The following PCDHGA8 variants were observed in gnomAD, a reference collection of about 807,000 sequenced individuals.
PCDHGA8 encodes protocadherin gamma subfamily A, 8.
PCDHGA8 carries 45 observed loss-of-function variants against 59.2 expected under a neutral mutation model. That is an observed-to-expected ratio of 0.76 (90% CI 0.60 to 0.98). The LOEUF is 0.98. Among genes scored for constraint, PCDHGA8 ranks in the 50% least tolerant of loss-of-function variants. The pLI, the probability that PCDHGA8 is intolerant of heterozygous loss-of-function variation, is 0.00. For synonymous variants in PCDHGA8, 531 were observed against 519.0 expected (o/e 1.02, Z -0.32); for missense variants, 1,257 against 1,196.2 (o/e 1.05, Z -0.75).
chr5:141,434,509 T>C (rs1480014539), intron 1 of PCDHGA8, among the ~76,000 whole-genome samples: 3 of 152,232 alleles, frequency 2.0e-5, no homozygotes, highest in Non-Finnish European at 4.4e-5. Context: ...AGAAAACTGC[T>C]TAAAGGTGTT....
In PCDHGA8 at chr5:141,461,525, A is replaced by T. The variant is rs966592635; in HGVS notation, c.2425-33282A>T. ...TTGGTGATTTGTTAGTTCCTTGTAGATTCTGGATACTAGTCCTTTGTCAGA... is the reference window on the plus strand; with the variant it reads ...TTGGTGATTTGTTAGTTCCTTGTAGTTTCTGGATACTAGTCCTTTGTCAGA... On this transcript the variant is annotated intron_variant, in intron 1 of 3. Coordinates refer to ENST00000398604, the MANE Select transcript of PCDHGA8 (RefSeq NM_032088.2). 5.3e-5 allele frequency among the ~76,000 whole-genome samples: 8 copies of T among 152,106 alleles called. No individual in the cohort carries two copies. The South Asian group carries it at 1.7e-3, about 31-fold the overall frequency.
intron 1 of PCDHGA8, chr5:141,441,144 T>C (rs141609485): frequency 6.6e-6 from 1 of 152,296 alleles, no homozygotes; most frequent in African/African-American, 2.4e-5. Context: ...TAGAAGATAA[T>C]GACAATATCC....
At chr5:141,505,347 T>C in intron 2 of PCDHGA8, 46 bp from the exon 3 acceptor site, 4 of 1,613,346 alleles carry the variant, frequency 2.5e-6, no homozygotes, top group Non-Finnish European at 2.5e-6. Context: ...GGGCATGAGC[T>C]GTGCCGGCCT....
In PCDHGA8 at chr5:141,487,161, T is replaced by G; in HGVS notation, c.2425-7646T>G. ...CTCTCTACCTCTGTTACTCTCTTAGTGTCCTTAGAGGAAGACACTCATCCA... is the reference window on the plus strand; with the variant it reads ...CTCTCTACCTCTGTTACTCTCTTAGGGTCCTTAGAGGAAGACACTCATCCA... On this transcript the variant is annotated intron_variant, in intron 1 of 3. Transcript: ENST00000398604. The surrounding 1 kb of genome is among the most constrained non-coding windows in gnomAD (Gnocchi z 5.0). The G allele has an allele frequency of 6.2e-7, 1 of 1,613,528 alleles. No individual in the cohort carries two copies. The highest frequency in any genetic ancestry group is 1.1e-5 in the South Asian group (1 of 91,072).
chr5:141,439,186 C>T (rs2098094521), intron 1 of PCDHGA8, among the ~76,000 whole-genome samples: 1 of 141,808 alleles, frequency 7.1e-6, no homozygotes, highest in Admixed American at 7.0e-5. Flanking sequence ...TAGTGAGACT[C>T]TGACAAAAAA....
At chr5:141,404,252 A>G (rs2094504105) in intron 1 of PCDHGA8, 8 of 1,613,986 alleles carry the variant, frequency 5.0e-6, no homozygotes, top group South Asian at 1.1e-5. Context: ...GCCCCTGTCC[A>G]CAGAAATTCA....
chr5:141,403,749 C>T (rs759577178), intron 1 of PCDHGA8: 2 of 1,613,652 alleles, frequency 1.2e-6, no homozygotes, highest in Non-Finnish European at 1.7e-6. Context: ...ACTGCAACAG[C>T]CAGCGACCTG....
chr5:141,500,114 G>A (rs72790070), intron 2 of PCDHGA8, among the ~76,000 whole-genome samples: 10,550 of 151,670 alleles, frequency 0.07, 640 homozygotes, highest in African/African-American at 0.16. Flanking sequence ...TTGAATCCCT[G>A]CCTTTTCATA....
chr5:141,455,856 TTTTATTA>T (rs1315325745), intron 1 of PCDHGA8, among the ~76,000 whole-genome samples: 1 of 146,240 alleles, frequency 6.8e-6, no homozygotes, highest in East Asian at 2.0e-4. Flanking sequence ...AAATAATTTC[TTTTATTA>T]TTTATTTATT....
At chr5:141,459,723 T>G (rs1024452676) in intron 1 of PCDHGA8, among the ~76,000 whole-genome samples, 3 of 152,254 alleles carry the variant, frequency 2.0e-5, no homozygotes, top group African/African-American at 7.2e-5. Context: ...ATGCTTCCTA[T>G]TGTCAATTTT....
chr5:141,405,345 A>C (rs758657243), intron 1 of PCDHGA8: 2 of 1,613,944 alleles, frequency 1.2e-6, no homozygotes, highest in Middle Eastern at 1.6e-4. Context: ...GTTGATTCCA[A>C]GTTTCCTATA....
intron 1 of PCDHGA8, chr5:141,421,833 C>A: frequency 6.2e-7 from 1 of 1,613,756 alleles, no homozygotes; most frequent in South Asian, 1.1e-5. Context: ...GAAGCCTGGA[C>A]CGAGAGAAAG....
Position 141,486,791 on chromosome 5 carries a change from C to G in PCDHGA8, c.2425-8016C>G. On this transcript the variant is annotated intron_variant, in intron 1 of 3. Coordinates refer to ENST00000398604, the MANE Select transcript of PCDHGA8 (RefSeq NM_032088.2). The surrounding 1 kb of genome is among the most constrained non-coding windows in gnomAD (Gnocchi z 5.0). ...GCAGTTTGAGGTGCAGGCCCGGGAT[C>G]GGGGCAACCCACCCCTTAGCAGCAC... The G allele has an allele frequency of 1.9e-6, 3 of 1,614,224 alleles. No individual in the cohort carries two copies. The highest frequency in any genetic ancestry group is 2.5e-6 in the Non-Finnish European group (3 of 1,180,046).
chr5:141,399,321 T>C (rs1356696829), intron 1 of PCDHGA8: 2 of 1,613,978 alleles, frequency 1.2e-6, no homozygotes, highest in Admixed American at 1.7e-5. Context: ...AAAATTCGTA[T>C]AAGTTGGTAA....
At chr5:141,399,576 C>A (rs2093838433) in intron 1 of PCDHGA8, 4 of 1,614,028 alleles carry the variant, frequency 2.5e-6, no homozygotes, top group Non-Finnish European at 3.4e-6. Context: ...ACGGCCAAGT[C>A]TCCTACTCTA....
chr5:141,399,589 A>G (rs1460754588), intron 1 of PCDHGA8: 6 of 1,613,866 alleles, frequency 3.7e-6, no homozygotes, highest in Non-Finnish European at 3.4e-6. Context: ...CTACTCTATC[A>G]TGGCCAGCGA....
intron 1 of PCDHGA8, among the ~76,000 whole-genome samples, chr5:141,484,319 C>T (rs1191113560): frequency 6.6e-6 from 1 of 152,212 alleles, no homozygotes; most frequent in Non-Finnish European, 1.5e-5. Context: ...CGCTTCCATA[C>T]TGTCCTTGAA....
Position 141,392,818 on chromosome 5 carries a change from C to A in PCDHGA8, c.5C>A (p.Ala2Asp). Reference protein sequence around the residue: MAAPQSRPRRGE... With the variant: MDAPQSRPRRGE... ...GGATTCTGCAGCAAAACAACAATGGCCGCTCCACAGAGTCGCCCCAGACGC... is the reference window on the plus strand; with the variant it reads ...GGATTCTGCAGCAAAACAACAATGGACGCTCCACAGAGTCGCCCCAGACGC... The change falls in exon 1 of 4, where the codon GCC (alanine) becomes GAC (aspartate). Residue 2 changes from alanine (A) to aspartate (D), a missense_variant. Transcript: ENST00000398604. 6.3e-7 allele frequency: 1 copy of A among 1,589,060 alleles called. No individual in the cohort carries two copies. The highest frequency in any genetic ancestry group is 8.6e-7 in the Non-Finnish European group (1 of 1,168,412).
chr5:141,419,746 G>A (rs1561783927), intron 1 of PCDHGA8: 2 of 1,613,896 alleles, frequency 1.2e-6, no homozygotes, highest in Admixed American at 1.7e-5. Context: ...TGCGCATGGT[G>A]CGTGCTTTGG....
Sources: gnomAD v4.1 joint callset for allele counts (sites outside exome capture counted in the v4.1 genomes callset) on GRCh38, gnomAD v4.1.1 for gene constraint, Gnocchi (gnomAD v3.1) non-coding constraint, MANE v1.5 for transcripts, NCBI Gene and HGNC (gene_info 2026-07-23, HGNC 2026-07-21) for gene names.